Variants in CACNA2D3 observed in about 807,000 individuals in gnomAD.
CACNA2D3 encodes the protein calcium voltage-gated channel auxiliary subunit alpha2delta 3, also known as voltage-dependent calcium channel subunit alpha-2/delta-3.
In CACNA2D3, 60 loss-of-function variants were observed where a neutral mutation model predicts 160.6. The ratio of observed to expected loss-of-function variants is 0.37; its 90% CI spans 0.30 to 0.46. CACNA2D3 has a LOEUF of 0.46. CACNA2D3 is among the 20% of genes least tolerant of loss of function. The pLI, the probability that CACNA2D3 is intolerant of heterozygous loss-of-function variation, is 1.00. For missense variants in CACNA2D3, 1,205 were observed against 1,365.0 expected (o/e 0.88, Z 1.85); for synonymous variants, 558 against 492.9 (o/e 1.13, Z -1.75).
chr3:54,558,410 AT>A (rs775504740), intron 5 of CACNA2D3, among the ~76,000 whole-genome samples: 1 of 151,106 alleles, frequency 6.6e-6, no homozygotes, highest in African/African-American at 2.4e-5. Context: ...TAGGGTGGGT[AT>A]TTTTTTTTTC....
At chr3:54,693,557 T>C (rs1297992047) in intron 11 of CACNA2D3, among the ~76,000 whole-genome samples, 2 of 152,222 alleles carry the variant, frequency 1.3e-5, no homozygotes, top group Non-Finnish European at 2.9e-5. Flanking sequence ...CATCTACTTA[T>C]TGAAAAGAAA....
At chr3:54,349,490 C>T (rs1165800539) in intron 3 of CACNA2D3, among the ~76,000 whole-genome samples, 1 of 152,242 alleles carries the variant, frequency 6.6e-6, no homozygotes. Flanking sequence ...AATGGCTCCC[C>T]TGACTCTGAG....
At chr3:54,636,409 TAACAAAGAGTGAGTACAGCTGAAG>T (rs932475270) in intron 10 of CACNA2D3, among the ~76,000 whole-genome samples, 1 of 151,878 alleles carries the variant, frequency 6.6e-6, no homozygotes, top group Admixed American at 6.6e-5. Context: ...TTGTGGGACT[TAACAAAGAGTGAGTACAGCTGAAG>T]GAGCCAGGGA....
chr3:54,668,761 G>C (rs1700111229), intron 11 of CACNA2D3, among the ~76,000 whole-genome samples: 1 of 152,232 alleles, frequency 6.6e-6, no homozygotes, highest in Non-Finnish European at 1.5e-5. Context: ...GTTTCTGCAA[G>C]TGTTCCTTCA....
intron 27 of CACNA2D3, among the ~76,000 whole-genome samples, chr3:54,908,283 C>G (rs1035866865): frequency 1.3e-5 from 2 of 152,210 alleles, no homozygotes; most frequent in African/African-American, 4.8e-5. Flanking sequence ...AATGACTTAG[C>G]ATCTTTTCGT....
intron 4 of CACNA2D3, among the ~76,000 whole-genome samples, chr3:54,411,044 ATAGCAAGAGGAC>A (rs1218780238): frequency 6.6e-6 from 1 of 152,230 alleles, no homozygotes; most frequent in Non-Finnish European, 1.5e-5. Context: ...TGTGGTAGAA[ATAGCAAGAGGAC>A]TAGAATTAGA....
chr3:54,169,684 TATGTGTGTGC>T (rs111356654), intron 2 of CACNA2D3, among the ~76,000 whole-genome samples: 11,165 of 151,296 alleles, frequency 0.074, 591 homozygotes, highest in East Asian at 0.25. Flanking sequence ...TATGTGTGTG[TATGTGTGTGC>T]ATGTGTGTGT....
intron 9 of CACNA2D3, among the ~76,000 whole-genome samples, chr3:54,582,950 T>TGATAAGCTTCATATTTAGGAGGGAG (rs1702701970): frequency 6.6e-6 from 1 of 152,200 alleles, no homozygotes; most frequent in African/African-American, 2.4e-5. Flanking sequence ...AGAAGCAGCA[T>TGATAAGCTTCATATTTAGGAGGGAG]GATAAGCTTC....
intron 18 of CACNA2D3, chr3:54,875,586 A>T (rs1387333502): frequency 6.6e-6 from 1 of 152,220 alleles, no homozygotes; most frequent in African/African-American, 2.4e-5. Context: ...TCCTTAATGA[A>T]CTGTAACATG....
intron 23 of CACNA2D3, among the ~76,000 whole-genome samples, chr3:54,885,917 GAAA>G (rs1308838022): frequency 6.6e-6 from 1 of 152,164 alleles, no homozygotes; most frequent in African/African-American, 2.4e-5. Flanking sequence ...TTGCAAATGA[GAAA>G]CCAAGGCTGG....
At chr3:54,474,256 G>A (rs1012795226) in intron 4 of CACNA2D3, among the ~76,000 whole-genome samples, 5 of 152,154 alleles carry the variant, frequency 3.3e-5, no homozygotes, top group African/African-American at 9.7e-5. Flanking sequence ...CGGGGACATG[G>A]TTGAAGCTGG....
chr3:54,429,772 G>T (rs952251036), intron 4 of CACNA2D3, among the ~76,000 whole-genome samples: 3 of 152,164 alleles, frequency 2.0e-5, no homozygotes, highest in African/African-American at 7.2e-5. Context: ...TTTCTCGGAT[G>T]TTGGAATAGC....
rs532124487 is a variant in CACNA2D3, at chr3:54,160,518, T to A, written c.204+36924T>A. ...CTGTCTCAAAAAAAATAAAATAAAA[T>A]AAAATAAAGGAATTGCTGAGACCCT... On this transcript the variant is annotated intron_variant, in intron 2 of 37. Coordinates refer to ENST00000474759, the MANE Select transcript of CACNA2D3 (RefSeq NM_018398.3). Among the ~76,000 whole-genome samples the A allele has an allele frequency of 2.4e-3, 361 of 151,976 alleles. 4 individuals are homozygous for A. Among genetic ancestry groups the A allele is most frequent in the East Asian group, 2.7e-3 (14 of 5,166 alleles).
intron 2 of CACNA2D3, among the ~76,000 whole-genome samples, chr3:54,265,949 T>C (rs1702508056): frequency 1.3e-5 from 2 of 152,126 alleles, no homozygotes; most frequent in South Asian, 4.1e-4. Flanking sequence ...TTTTAAGACT[T>C]ATAAAGTGCT....
chr3:54,549,751 C>T (rs1355022705), intron 5 of CACNA2D3, among the ~76,000 whole-genome samples: 1 of 152,174 alleles, frequency 6.6e-6, no homozygotes, highest in Admixed American at 6.5e-5. Context: ...AGTTCCTTGG[C>T]AATTATATTT....
intron 27 of CACNA2D3, among the ~76,000 whole-genome samples, chr3:54,957,675 CAG>C (rs770236071): frequency 6.9e-6 from 1 of 145,430 alleles, no homozygotes; most frequent in Non-Finnish European, 1.5e-5. Context: ...TTGGCAAACT[CAG>C]GGGTTCCAGG....
At chr3:54,775,893 A>G (rs116445430) in intron 13 of CACNA2D3, among the ~76,000 whole-genome samples, 167 of 152,308 alleles carry the variant, frequency 1.1e-3, no homozygotes, top group African/African-American at 3.8e-3. Flanking sequence ...CACCAAGAGC[A>G]AATGACCACT....
In CACNA2D3 at chr3:54,399,864, C is replaced by G. The variant is rs1229379784; in HGVS notation, c.381+13090C>G. Among the ~76,000 whole-genome samples, 11 of 125,932 alleles carry G rather than the reference C, an allele frequency of 8.7e-5. 2 individuals carry two copies. The highest frequency in any genetic ancestry group is 1.5e-4 in the Non-Finnish European group (9 of 59,180). The allele number at this position is 125,932 out of a possible 152,430, so 82.6% of individuals were successfully genotyped here. ...GCTCCACCCAGTTCGAGCTTCCCAG[C>G]AAGCCTGGGCAATGGCGGGCGCCCC... is the stretch of plus-strand genomic sequence containing the variant. On this transcript the variant is annotated intron_variant, in intron 4 of 37. Transcript: ENST00000474759.
chr3:54,660,623 G>A (rs1055749980), intron 11 of CACNA2D3, among the ~76,000 whole-genome samples: 6 of 152,114 alleles, frequency 3.9e-5, no homozygotes, highest in African/African-American at 1.4e-4. Context: ...AATGCCAAAT[G>A]GTTTTGGCCA....
Sources: allele counts gnomAD v4.1 joint callset (sites outside exome capture counted in the v4.1 genomes callset), GRCh38; gene constraint gnomAD v4.1.1; transcripts MANE v1.5; gene names NCBI Gene and HGNC (gene_info 2026-07-23, HGNC 2026-07-21).